Variants in ARHGEF19 observed in about 807,000 individuals in gnomAD.
The protein encoded by ARHGEF19 is Rho guanine nucleotide exchange factor (GEF) 19.
A neutral mutation model predicts 87.6 loss-of-function variants in ARHGEF19; 92 were observed. That is an observed-to-expected ratio of 1.05 (90% CI 0.89 to 1.25). The LOEUF is 1.25. Among genes scored for constraint, ARHGEF19 ranks in the 50% most tolerant of loss-of-function variants. The pLI is 0.00. For synonymous variants in ARHGEF19, 438 were observed against 446.2 expected (o/e 0.98, Z 0.23); for missense variants, 1,054 against 1,051.8 (o/e 1.00, Z -0.03).
In ARHGEF19 at chr1:16,198,886, A is replaced by T; in HGVS notation, c.2252-142T>A. On this transcript the variant is annotated intron_variant, in intron 15 of 15. Coordinates refer to ENST00000270747, the MANE Select transcript of ARHGEF19 (RefSeq NM_153213.5). The surrounding 1 kb of genome is among the most constrained non-coding windows in gnomAD (Gnocchi z 4.1). ...CATCTCAGCATCTCTCAGCTCCAGG[A>T]AGGACCCTGTCTTGAGCTGTCTTGC... is the stretch of plus-strand genomic sequence containing the variant. 8.8e-7 allele frequency: 1 copy of T among 1,138,496 alleles called. No homozygotes were observed. Among genetic ancestry groups the T allele is most frequent in the Non-Finnish European group, 1.2e-6 (1 of 815,758 alleles). 70.5% of individuals were successfully genotyped at this position (1,138,496 alleles called of 1,614,324 possible).
rs894635590 is a variant in ARHGEF19 at position 16,206,915 on chromosome 1, C to CCCCCG, written c.1137+28_1137+32dup. 7.0e-7 allele frequency: 1 copy of CCCCCG among 1,433,358 alleles called. No homozygotes were observed. Among genetic ancestry groups the CCCCCG allele is most frequent in the African/African-American group, 1.5e-5 (1 of 66,510 alleles). 88.8% of individuals were successfully genotyped at this position (1,433,358 alleles called of 1,614,324 possible). ...CCCGGACCGCGTACTCCCCGGCCCG[C>CCCCCG]CCCCGCCCCGCCGGGTCCCCGCGCG... On this transcript the variant is annotated intron_variant, in intron 6 of 15. Coordinates refer to ENST00000270747, the MANE Select transcript of ARHGEF19 (RefSeq NM_153213.5). This position sits in a 1 kb window ranked among gnomAD's most constrained non-coding sequence, Gnocchi z 4.6.
At position 16,205,297 on chromosome 1, in the gene ARHGEF19, G is replaced by C. The variant is rs1312058141; in HGVS notation, c.1656+54C>G. 28 of 1,610,974 alleles carry C rather than the reference G, an allele frequency of 1.7e-5. No homozygotes were observed. The highest frequency in any genetic ancestry group is 2.4e-5 in the Non-Finnish European group (28 of 1,177,796). ...CTGGGGGCTGTTTTAGAGACGTGCTGGGGGTCCAGGGGGGGCCTCAGGAGC... is the reference window on the plus strand; with the variant it reads ...CTGGGGGCTGTTTTAGAGACGTGCTCGGGGTCCAGGGGGGGCCTCAGGAGC... On this transcript the variant is annotated intron_variant, in intron 10 of 15. Coordinates refer to ENST00000270747, the MANE Select transcript of ARHGEF19 (RefSeq NM_153213.5). This position sits in a 1 kb window ranked among gnomAD's most constrained non-coding sequence, Gnocchi z 5.8.
chr1:16,201,486 G>A (rs2081083001), intron 14 of ARHGEF19, among the ~76,000 whole-genome samples: 1 of 152,208 alleles, frequency 6.6e-6, no homozygotes, highest in South Asian at 2.1e-4. Context: ...TACTGGCTGG[G>A]TGAACTTACA....
Position 16,198,515 on chromosome 1 carries a change from A to G in ARHGEF19, c.*72T>C. On this transcript the variant is annotated 3_prime_UTR_variant, in exon 16 of 16. Coordinates refer to ENST00000270747, the MANE Select transcript of ARHGEF19 (RefSeq NM_153213.5). The surrounding 1 kb of genome is among the most constrained non-coding windows in gnomAD (Gnocchi z 4.1). ...CCAGCAGGAGCAGCTTGGGGAATGG[A>G]GACACTGCAGGCCCCTCCAGGACCA... The G allele has an allele frequency of 6.8e-7, 1 of 1,461,692 alleles. No individual in the cohort carries two copies. The highest frequency in any genetic ancestry group is 9.1e-7 in the Non-Finnish European group (1 of 1,098,222). The allele number at this position is 1,461,692 out of a possible 1,614,324, so 90.5% of individuals were successfully genotyped here.
In ARHGEF19 at chr1:16,206,942, G is replaced by T; in HGVS notation, c.1137+6C>A. ...CCCGCCCCGCCGGGTCCCCGCGCGC[G>T]CCCACCTCCTGCAGCTTGCAGTCCC... On this transcript the variant is annotated splice_donor_region_variant and intron_variant, in intron 6 of 15. Coordinates refer to ENST00000270747, the MANE Select transcript of ARHGEF19 (RefSeq NM_153213.5). This position sits in a 1 kb window ranked among gnomAD's most constrained non-coding sequence, Gnocchi z 4.6. The T allele has an allele frequency of 1.4e-6, 2 of 1,449,182 alleles. No homozygotes were observed. Among genetic ancestry groups the T allele is most frequent in the Admixed American group, 2.8e-5 (1 of 36,258 alleles). The allele number at this position is 1,449,182 out of a possible 1,614,324, so 89.8% of individuals were successfully genotyped here. A position where few individuals can be genotyped will look rare whatever the true frequency, so the allele number is the denominator to read the frequency against.
chr1:16,201,871 G>C lies in ARHGEF19; in HGVS notation c.2067-10C>G, dbSNP rs1367282419. The C allele has an allele frequency of 1.2e-6, 2 of 1,613,100 alleles. No homozygotes were observed. Among genetic ancestry groups the C allele is most frequent in the African/African-American group, 1.3e-5 (1 of 74,888 alleles). ...TCGCTGCTTCTCACTTCTAGGGAAG[G>C]GGGAGGCTAAGTTGTCACAATATGC... On this transcript the variant is annotated splice_polypyrimidine_tract_variant and intron_variant, in intron 13 of 15. Transcript: ENST00000270747.
At chr1:16,208,614 C>T (rs766077517) in intron 2 of ARHGEF19, 29 bp downstream of exon 2, 105 of 1,569,670 alleles carry the variant, frequency 6.7e-5, no homozygotes, top group Non-Finnish European at 8.3e-5. Flanking sequence ...GCCATGGCAC[C>T]CACACCCGCC....
In ARHGEF19 at chr1:16,205,319, G is replaced by A. The variant is rs2081118361; in HGVS notation, c.1656+32C>T. On this transcript the variant is annotated intron_variant, in intron 10 of 15. Transcript: ENST00000270747. The surrounding 1 kb of genome is among the most constrained non-coding windows in gnomAD (Gnocchi z 5.8). ...GCTGGGGGTCCAGGGGGGGCCTCAG[G>A]AGCCAAGCAGCCCCTGCCCTGCCCA... The A allele has an allele frequency of 6.2e-7, 1 of 1,613,466 alleles. No individual in the cohort carries two copies. The highest frequency in any genetic ancestry group is 1.3e-5 in the African/African-American group (1 of 74,918).
intron 1 of ARHGEF19, among the ~76,000 whole-genome samples, chr1:16,211,568 G>C (rs764457513): frequency 6.6e-6 from 1 of 151,218 alleles, no homozygotes; most frequent in African/African-American, 2.5e-5. Flanking sequence ...AAGGCTTCCC[G>C]GGGAGATGAA....
At chr1:16,200,976 G>C (rs748881276) in intron 14 of ARHGEF19, among the ~76,000 whole-genome samples, 6 of 152,186 alleles carry the variant, frequency 3.9e-5, no homozygotes, top group Non-Finnish European at 7.3e-5. Flanking sequence ...CACTTTGGGA[G>C]GCTGAAGGGA....
At chr1:16,201,643 C>G in intron 14 of ARHGEF19, 139 bp downstream of exon 14, 1 of 813,912 alleles carries the variant, frequency 1.2e-6, no homozygotes. Flanking sequence ...TTCAAGGTTC[C>G]TCAGAGCTAC....
In ARHGEF19 at chr1:16,202,589, G is replaced by A. The variant is rs2081092735; in HGVS notation, c.1908-15C>T. The A allele has an allele frequency of 1.2e-6, 2 of 1,608,778 alleles. No individual in the cohort carries two copies. The highest frequency in any genetic ancestry group is 1.7e-5 in the Admixed American group (1 of 59,816). On this transcript the variant is annotated splice_polypyrimidine_tract_variant and intron_variant, in intron 12 of 15. Coordinates refer to ENST00000270747, the MANE Select transcript of ARHGEF19 (RefSeq NM_153213.5). ...ACTTCCCTAGCCTGGAGGACCGGGG[G>A]AGGGGAGGTCAGCCTGGCCTGGGCC... is the stretch of plus-strand genomic sequence containing the variant.
In ARHGEF19 at chr1:16,207,229, G is replaced by A. The variant is rs551704549; in HGVS notation, c.875-19C>T. On this transcript the variant is annotated intron_variant, in intron 5 of 15. Transcript: ENST00000270747. The surrounding 1 kb of genome is among the most constrained non-coding windows in gnomAD (Gnocchi z 4.0). ...AGGACGGCTGGGGGAAAGACGGGCG[G>A]GGGAGAGCGTGGGGCGCCCGCCAGC... 1 of 1,492,120 alleles carries A rather than the reference G, an allele frequency of 6.7e-7. No individual in the cohort carries two copies. Among genetic ancestry groups the A allele is most frequent in the African/African-American group, 1.4e-5 (1 of 71,182 alleles). 92.4% of individuals were successfully genotyped at this position (1,492,120 alleles called of 1,614,324 possible). A position where few individuals can be genotyped will look rare whatever the true frequency, so the allele number is the denominator to read the frequency against.
At position 16,208,021 on chromosome 1, in the gene ARHGEF19, T is replaced by G; in HGVS notation, c.617A>C (p.His206Pro). 1 of 1,612,990 alleles carries G rather than the reference T, an allele frequency of 6.2e-7. No individual in the cohort carries two copies. The highest frequency in any genetic ancestry group is 8.5e-7 in the Non-Finnish European group (1 of 1,179,900). Residue 206 changes from histidine to proline, a missense_variant, in exon 3 of 16, where the codon CAC becomes CCC. Coordinates refer to ENST00000270747, the MANE Select transcript of ARHGEF19 (RefSeq NM_153213.5). ...FSASELMTRL[H>P]SSLRLGRNSA... ...ATTCCGCCCCAGGCGCAGAGAAGAG[T>G]GCAGCCGGGTCATCAGCTCCGATGC...
At chr1:16,208,590 TC>T (rs2081167393) in intron 2 of ARHGEF19, 52 bp downstream of exon 2, 1 of 1,530,566 alleles carries the variant, frequency 6.5e-7, no homozygotes, top group Non-Finnish European at 8.7e-7. Flanking sequence ...GCCCAGCCCC[TC>T]CCCTATCCCC....
chr1:16,209,553 A>G (rs1476722740), intron 1 of ARHGEF19, among the ~76,000 whole-genome samples: 1 of 152,252 alleles, frequency 6.6e-6, no homozygotes. Context: ...TCCCAAGTAT[A>G]GAATGACATG....
At chr1:16,209,869 G>T (rs1255720371) in intron 1 of ARHGEF19, among the ~76,000 whole-genome samples, 4 of 152,254 alleles carry the variant, frequency 2.6e-5, no homozygotes, top group Non-Finnish European at 5.9e-5. Context: ...GTCATGGACT[G>T]GCAGGCGGGC....
rs2081125477 is a variant in ARHGEF19 at position 16,205,740 on chromosome 1, G to A, written c.1452-73C>T. On this transcript the variant is annotated intron_variant, in intron 8 of 15. Transcript: ENST00000270747. The surrounding 1 kb of genome is among the most constrained non-coding windows in gnomAD (Gnocchi z 5.8). ...GGGATCCACAACCCTGGCCATCCAC[G>A]GGGTCCTCAGGGGGCTTCTCAGCAC... 10 of 1,521,528 alleles carry A rather than the reference G, an allele frequency of 6.6e-6. No homozygotes were observed. The highest frequency in any genetic ancestry group is 1.2e-5 in the South Asian group (1 of 80,400). 94.3% of individuals were successfully genotyped at this position (1,521,528 alleles called of 1,614,324 possible). A position where few individuals can be genotyped will look rare whatever the true frequency, so the allele number is the denominator to read the frequency against.
chr1:16,202,684 C>T, intron 12 of ARHGEF19, 110 bp from the exon 13 acceptor site: 1 of 1,399,734 alleles, frequency 7.1e-7, no homozygotes, highest in Non-Finnish European at 9.7e-7. Context: ...GGTTGCCTGC[C>T]CTGCCAGCGT....
Sources: allele counts gnomAD v4.1 joint callset (sites outside exome capture counted in the v4.1 genomes callset), GRCh38; gene constraint gnomAD v4.1.1; non-coding constraint Gnocchi (gnomAD v3.1); transcripts MANE v1.5; gene names NCBI Gene and HGNC (gene_info 2026-07-23, HGNC 2026-07-21).